The following OSBPL7 variants were observed in gnomAD, a reference collection of about 807,000 sequenced individuals.
OSBPL7 encodes the protein oxysterol-binding protein-related protein 7.
A neutral mutation model predicts 115.8 loss-of-function variants in OSBPL7; 66 were observed. The ratio of observed to expected loss-of-function variants is 0.57; its 90% CI spans 0.47 to 0.70. The LOEUF is 0.70. Among genes scored for constraint, OSBPL7 ranks in the 30% least tolerant of loss-of-function variants. OSBPL7 has a pLI of 0.00. For synonymous variants in OSBPL7, 441 were observed against 439.2 expected, an observed-to-expected ratio of 1.00 and a Z score of -0.05; for missense variants, 902 against 1,125.5, an observed-to-expected ratio of 0.80 and a Z score of 2.84.
chr17:47,813,319 C>T lies in OSBPL7; in HGVS notation c.1684G>A (p.Glu562Lys), dbSNP rs759826655. ...TCAGGCCGCTCACACTCGTAGGTCT[C>T]CCCCAGGACAGGGTTGAAGGGCTTG... ...GCKPFNPVLG[E>K]TYECERPDRG... The change falls in exon 16 of 23, where the codon GAG becomes AAG. Residue 562 changes from glutamate to lysine, a missense_variant. Around this residue, in one of 3 missense-constraint regions of OSBPL7, gnomAD observed 667 missense variants for 788.7 expected, o/e 0.85. Transcript: ENST00000007414. The T allele has an allele frequency of 3.1e-6, 5 of 1,614,074 alleles. No individual in the cohort carries two copies. The highest frequency in any genetic ancestry group is 3.4e-6 in the Non-Finnish European group (4 of 1,180,036).
In OSBPL7 at chr17:47,816,585, G is replaced by A; in HGVS notation, c.906C>T (p.Ser302=). 1.2e-6 allele frequency: 2 copies of A among 1,613,108 alleles called. No individual in the cohort carries two copies. Among genetic ancestry groups the A allele is most frequent in the Non-Finnish European group, 8.5e-7 (1 of 1,179,636 alleles). The change falls in exon 10 of 23, where the codon AGC becomes AGT. Residue 302 remains serine (S), a synonymous_variant. Transcript: ENST00000007414. The surrounding 1 kb of genome is among the most constrained non-coding windows in gnomAD (Gnocchi z 5.8). ...TACCCTTCTGGGCCAGGGCCCAGAAGCTGCGCTGCAGGTGGGCATAGTCTG... is the reference window on the plus strand; with the variant it reads ...TACCCTTCTGGGCCAGGGCCCAGAAACTGCGCTGCAGGTGGGCATAGTCTG... The part of the protein sequence containing the change: ...PPTDYAHLQR[S]FWALAQKVHS...
At position 47,818,557 on chromosome 17, in the gene OSBPL7, G is replaced by A. The variant is rs768966843; in HGVS notation, c.429C>T (p.Ala143=). The change falls in exon 6 of 23, where the codon GCC becomes GCT. Residue 143 remains alanine (A), a synonymous_variant. Transcript: ENST00000007414. ...AGCCACGGGGCATGTCCAGGCGGTG[G>A]GCTAGGCGGTGGGCACGCAGCTGCG... The part of the protein sequence containing the change: ...WVAQLRAHRL[A]HRLDMPRGSL... 1 of 1,612,092 alleles carries A rather than the reference G, an allele frequency of 6.2e-7. No homozygotes were observed. Among genetic ancestry groups the A allele is most frequent in the Admixed American group, 1.7e-5 (1 of 59,796 alleles).
intron 14 of OSBPL7, 77 bp downstream of exon 14, chr17:47,814,444 C>G: frequency 7.2e-7 from 1 of 1,393,638 alleles, no homozygotes; most frequent in Non-Finnish European, 1.0e-6. Context: ...ATGGCCTTTG[C>G]ATGGGCCTGG....
At position 47,808,482 on chromosome 17, in the gene OSBPL7, C is replaced by T. The variant is rs1266207307; in HGVS notation, c.2420+56G>A. On this transcript the variant is annotated intron_variant, in intron 22 of 22. Coordinates refer to ENST00000007414, the MANE Select transcript of OSBPL7 (RefSeq NM_145798.3). The surrounding 1 kb of genome is among the most constrained non-coding windows in gnomAD (Gnocchi z 6.1). ...CTAAGGTGCTGCCTCCCACACCTGCCCTGCTCCAAGCAGGGCTCATGGGGA... is the reference window on the plus strand; with the variant it reads ...CTAAGGTGCTGCCTCCCACACCTGCTCTGCTCCAAGCAGGGCTCATGGGGA... 10 of 1,613,906 alleles carry T rather than the reference C, an allele frequency of 6.2e-6. 1 individual carries two copies. The South Asian group carries it at 7.7e-5, about 12-fold the overall frequency.
intron 16 of OSBPL7, 91 bp from the exon 17 acceptor site, chr17:47,810,926 T>G: frequency 7.7e-7 from 1 of 1,292,132 alleles, no homozygotes. Context: ...TTCCCCTAAG[T>G]ACCACAAGAC....
chr17:47,818,701 A>G, intron 5 of OSBPL7, 85 bp from the exon 6 acceptor site: 3 of 1,161,090 alleles, frequency 2.6e-6, no homozygotes, highest in Non-Finnish European at 2.5e-6. Flanking sequence ...TGGTCCCCAG[A>G]CAAGCAGGGT....
Position 47,816,937 on chromosome 17 carries a change from G to T in OSBPL7, c.703-65C>A. On this transcript the variant is annotated intron_variant, in intron 8 of 22. Transcript: ENST00000007414. This position sits in a 1 kb window ranked among gnomAD's most constrained non-coding sequence, Gnocchi z 5.8. ...GGGAAAAGGGGCAGAAACCATCACAGCCTGGGAGAGGTAGACGGCCTCCTG... is the reference window on the plus strand; with the variant it reads ...GGGAAAAGGGGCAGAAACCATCACATCCTGGGAGAGGTAGACGGCCTCCTG... The T allele has an allele frequency of 2.0e-6, 3 of 1,494,204 alleles. No individual in the cohort carries two copies. The highest frequency in any genetic ancestry group is 1.1e-5 in the South Asian group (1 of 88,302). 92.6% of individuals were successfully genotyped at this position (1,494,204 alleles called of 1,614,324 possible). A position where few individuals can be genotyped will look rare whatever the true frequency, so the allele number is the denominator to read the frequency against.
Position 47,820,345 on chromosome 17 carries a change from T to C in OSBPL7, c.-67A>G, listed in dbSNP as rs191026199. The C allele has an allele frequency of 1.3e-6, 2 of 1,489,756 alleles. No individual in the cohort carries two copies. The highest frequency in any genetic ancestry group is 2.3e-5 in the East Asian group (1 of 43,470). 92.3% of individuals were successfully genotyped at this position (1,489,756 alleles called of 1,614,324 possible). A position where few individuals can be genotyped will look rare whatever the true frequency, so the allele number is the denominator to read the frequency against. ...GGAGCAGGGTGGAAGGGGAAGGATGTCACCTGCTCCTGACGGGGTCCTTGA... is the reference window on the plus strand; with the variant it reads ...GGAGCAGGGTGGAAGGGGAAGGATGCCACCTGCTCCTGACGGGGTCCTTGA... On this transcript the variant is annotated 5_prime_UTR_variant, in exon 2 of 23. The change abolishes the stop of an existing upstream ORF in the 5' untranslated region. Coordinates refer to ENST00000007414, the MANE Select transcript of OSBPL7 (RefSeq NM_145798.3).
Position 47,808,169 on chromosome 17 carries a change from AG to A in OSBPL7, c.*121del. 2 of 725,194 alleles carry A rather than the reference AG, an allele frequency of 2.8e-6. No homozygotes were observed. The highest frequency in any genetic ancestry group is 4.6e-6 in the Non-Finnish European group (2 of 434,878). 44.9% of individuals were successfully genotyped at this position (725,194 alleles called of 1,614,324 possible). On this transcript the variant is annotated 3_prime_UTR_variant, in exon 23 of 23. Coordinates refer to ENST00000007414, the MANE Select transcript of OSBPL7 (RefSeq NM_145798.3). This position sits in a 1 kb window ranked among gnomAD's most constrained non-coding sequence, Gnocchi z 6.1. ...TGGCCAGCAGAGGGGAGGGAGGGCC[AG>A]GGCTGCCCCTTTGGTCTCAAGGGCA...
At chr17:47,817,185 T>C in intron 8 of OSBPL7, 71 bp downstream of exon 8, 2 of 1,244,310 alleles carry the variant, frequency 1.6e-6, no homozygotes, top group South Asian at 2.7e-5. Context: ...GTAGGAGGAA[T>C]AGGACCCATC....
intron 8 of OSBPL7, 32 bp downstream of exon 8, chr17:47,817,224 A>G (rs762176505): frequency 6.6e-7 from 1 of 1,515,244 alleles, no homozygotes; most frequent in South Asian, 1.2e-5. Flanking sequence ...CGGGGGCCTG[A>G]GCAGGACCCT....
At chr17:47,815,178 CT>C (rs778633956) in intron 13 of OSBPL7, 36 bp downstream of exon 13, 13 of 1,596,126 alleles carry the variant, frequency 8.1e-6, no homozygotes, top group African/African-American at 1.3e-5. Context: ...AAGGTCCCCC[CT>C]ACCCCGCCTC....
Position 47,808,504 on chromosome 17 carries a change from G to A in OSBPL7, c.2420+34C>T. ...TGCCCTGCTCCAAGCAGGGCTCATG[G>A]GGAGACCCAGGGCGGAGGGCGAGGC... On this transcript the variant is annotated intron_variant, in intron 22 of 22. Transcript: ENST00000007414. The surrounding 1 kb of genome is among the most constrained non-coding windows in gnomAD (Gnocchi z 6.1). The A allele has an allele frequency of 2.5e-6, 4 of 1,614,128 alleles. No individual in the cohort carries two copies. In the South Asian group the frequency reaches 4.4e-5, roughly 18 times the overall value.
intron 18 of OSBPL7, among the ~76,000 whole-genome samples, chr17:47,810,040 TCC>T (rs748576310): frequency 2.0e-5 from 3 of 151,640 alleles, no homozygotes; most frequent in Non-Finnish European, 1.5e-5. Flanking sequence ...TGCCTCAGCC[TCC>T]CCAGTAGCTG....
At chr17:47,809,252 G>A in intron 19 of OSBPL7, 32 bp from the exon 20 acceptor site, 1 of 1,613,186 alleles carries the variant, frequency 6.2e-7, no homozygotes, top group African/African-American at 1.3e-5. Context: ...TTAGGGAGGT[G>A]TCCCCTCCCC....
Position 47,816,637 on chromosome 17 carries a change from G to A in OSBPL7, c.854C>T (p.Ser285Phe). The change falls in exon 10 of 23, where the codon TCC (serine) becomes TTC (phenylalanine). Residue 285 changes from serine (S) to phenylalanine (F), a missense_variant. Around this residue, in one of 3 missense-constraint regions of OSBPL7, gnomAD observed 667 missense variants for 788.7 expected, o/e 0.85. Transcript: ENST00000007414. This position sits in a 1 kb window ranked among gnomAD's most constrained non-coding sequence, Gnocchi z 5.8. ...NLSRYLESRD[S>F]SGTRGLPPTD... is the part of the protein sequence containing the mutation. ...GGGTGGCAGCCCACGGGTGCCCGAG[G>A]AGTCCCGAGACTCCAGGTAGCGAGA... 5 of 1,614,030 alleles carry A rather than the reference G, an allele frequency of 3.1e-6. No individual in the cohort carries two copies. The highest frequency in any genetic ancestry group is 4.2e-6 in the Non-Finnish European group (5 of 1,180,016).
rs756209960 is a variant in OSBPL7, at chr17:47,808,967, G to A, written c.2194C>T (p.Arg732Ter). The A allele has an allele frequency of 3.1e-6, 5 of 1,614,150 alleles. No homozygotes were observed. Among genetic ancestry groups the A allele is most frequent in the East Asian group, 4.5e-5 (2 of 44,880 alleles). Reference sequence around the variant, plus strand: ...GCAAACTGGGTGAAGCCGAAGTTTCGCTCATGGTCGGGGGGCATTGAGTCT... The same window carrying A: ...GCAAACTGGGTGAAGCCGAAGTTTCACTCATGGTCGGGGGGCATTGAGTCT... ...KPNSMPPDHE[R>*]NFGFTQFALE... The change falls in exon 21 of 23, where the codon CGA becomes TGA. Residue 732 changes from arginine to a stop codon, truncating the protein, a stop_gained. Coordinates refer to ENST00000007414, the MANE Select transcript of OSBPL7 (RefSeq NM_145798.3). LOFTEE classifies it high-confidence loss of function. The surrounding 1 kb of genome is among the most constrained non-coding windows in gnomAD (Gnocchi z 6.1).
chr17:47,809,076 T>C lies in OSBPL7; in HGVS notation c.2170A>G (p.Asn724Asp). 1 of 1,614,008 alleles carries C rather than the reference T, an allele frequency of 6.2e-7. No individual in the cohort carries two copies. Among genetic ancestry groups the C allele is most frequent in the Non-Finnish European group, 8.5e-7 (1 of 1,180,030 alleles). ...TPGGQCIWKP[N>D]SMPPDHERNF... Reference sequence around the variant, plus strand: ...AGCCCTCTGTGACCCCTCCACTTACTGGGTTTCCAGATGCACTGGCCACCT... The same window carrying C: ...AGCCCTCTGTGACCCCTCCACTTACCGGGTTTCCAGATGCACTGGCCACCT... The change falls in exon 20 of 23, where the codon AAC becomes GAC. Residue 724 changes from asparagine to aspartate, a missense_variant and splice_region_variant. Asn to Asp is a conservative substitution (Grantham distance 23, BLOSUM62 1). This residue lies in a region of OSBPL7 where 230 missense variants were observed against 312.7 expected (regional missense o/e 0.74). Transcript: ENST00000007414.
In OSBPL7 at chr17:47,813,661, G is replaced by T. The variant is rs768921334; in HGVS notation, c.1525C>A (p.Arg509=). The change falls in exon 15 of 23, where the codon CGG becomes AGG. Residue 509 remains arginine (R), a synonymous_variant. Transcript: ENST00000007414. The part of the protein sequence containing the change: ...QLNEPLNTLQ[R]LCEELEYSSL... ...CTGTACTCCAGCTCCTCGCAGAGCCGCTGCAGAGTGTTGAGCGGCTCGTTG... is the reference window on the plus strand; with the variant it reads ...CTGTACTCCAGCTCCTCGCAGAGCCTCTGCAGAGTGTTGAGCGGCTCGTTG... 2 of 1,613,248 alleles carry T rather than the reference G, an allele frequency of 1.2e-6. No individual in the cohort carries two copies. Among genetic ancestry groups the T allele is most frequent in the East Asian group, 2.2e-5 (1 of 44,886 alleles).
Sources: allele counts gnomAD v4.1 joint callset (sites outside exome capture counted in the v4.1 genomes callset), GRCh38; gene constraint gnomAD v4.1.1; regional missense constraint gnomAD v4.1.1; non-coding constraint Gnocchi (gnomAD v3.1); transcripts MANE v1.5; gene names NCBI Gene and HGNC (gene_info 2026-07-23, HGNC 2026-07-21).